Variants in SUGCT observed in about 807,000 individuals in gnomAD.
SUGCT encodes the protein succinyl-CoA:glutarate-CoA transferase.
SUGCT carries 41 observed loss-of-function variants against 55.0 expected under a neutral mutation model. The ratio of observed to expected loss-of-function variants is 0.74; its 90% CI spans 0.58 to 0.97. The LOEUF (loss-of-function observed/expected upper bound fraction) is 0.97. Among genes scored for constraint, SUGCT ranks in the 50% least tolerant of loss-of-function variants. The pLI is 0.00. For synonymous variants in SUGCT, 187 were observed against 200.4 expected (o/e 0.93, Z 0.56); for missense variants, 568 against 547.8 (o/e 1.04, Z -0.37).
At chr7:40,162,805 T>G (rs1784242224) in intron 1 of SUGCT, among the ~76,000 whole-genome samples, 1 of 152,178 alleles carries the variant, frequency 6.6e-6, no homozygotes, top group Admixed American at 6.5e-5. Flanking sequence ...ATTCTTCACA[T>G]ATTCCAATTT....
At chr7:40,240,824 A>C (rs1789332368) in intron 7 of SUGCT, among the ~76,000 whole-genome samples, 1 of 152,236 alleles carries the variant, frequency 6.6e-6, no homozygotes, top group South Asian at 2.1e-4. Flanking sequence ...GTGGAGCCCA[A>C]GTTTATCAGG....
intron 12 of SUGCT, among the ~76,000 whole-genome samples, chr7:40,548,276 A>G (rs1795113711): frequency 6.8e-6 from 1 of 147,668 alleles, no homozygotes; most frequent in Admixed American, 6.8e-5. Context: ...GCAGCTTCGA[A>G]CTCATGGGCT....
intron 12 of SUGCT, among the ~76,000 whole-genome samples, chr7:40,600,543 G>A (rs957169728): frequency 6.6e-6 from 1 of 152,150 alleles, no homozygotes; most frequent in African/African-American, 2.4e-5. Context: ...ATTGTAACAA[G>A]TTCTGTTCAT....
At chr7:40,796,177 A>T (rs1790543516) in intron 13 of SUGCT, among the ~76,000 whole-genome samples, 1 of 152,188 alleles carries the variant, frequency 6.6e-6, no homozygotes, top group African/African-American at 2.4e-5. Context: ...CCCACTAAAT[A>T]GTCAGTAAAA....
At chr7:40,848,555 A>G (rs1793697159) in intron 13 of SUGCT, among the ~76,000 whole-genome samples, 5 of 151,830 alleles carry the variant, frequency 3.3e-5, no homozygotes, top group Non-Finnish European at 7.3e-5. Context: ...TCAAAGGGTC[A>G]TTGATGTGGT....
At chr7:40,191,709 A>G (rs1459284261) in intron 5 of SUGCT, among the ~76,000 whole-genome samples, 1 of 152,238 alleles carries the variant, frequency 6.6e-6, no homozygotes, top group Admixed American at 6.5e-5. Context: ...AATTGCTTTT[A>G]GATAGTTATT....
chr7:40,488,262 A>G (rs897489724), intron 11 of SUGCT, among the ~76,000 whole-genome samples: 2 of 152,088 alleles, frequency 1.3e-5, no homozygotes, highest in African/African-American at 4.8e-5. Context: ...ACAAGAACTT[A>G]TGATTTTTGT....
chr7:40,223,363 T>G (rs1788155787), intron 6 of SUGCT, among the ~76,000 whole-genome samples: 1 of 152,182 alleles, frequency 6.6e-6, no homozygotes, highest in South Asian at 2.1e-4. Context: ...ACCCAGCCTG[T>G]TTTTATTTCT....
intron 9 of SUGCT, among the ~76,000 whole-genome samples, chr7:40,342,911 G>A (rs1387787510): frequency 6.6e-6 from 1 of 152,190 alleles, no homozygotes; most frequent in East Asian, 1.9e-4. Flanking sequence ...CCAAAGTGCT[G>A]GGATTACAGG....
chr7:40,937,625 C>T, the SUGCT span, among the ~76,000 whole-genome samples: 3 of 152,000 alleles, frequency 2.0e-5, no homozygotes, highest in African/African-American at 7.3e-5. Flanking sequence ...GATAAATTGG[C>T]CCTTGTATCA....
chr7:40,669,346 CAAAAAAAAAAAAAA>C (rs33947436), intron 12 of SUGCT, among the ~76,000 whole-genome samples: 1 of 90,766 alleles, frequency 1.1e-5, no homozygotes, highest in Non-Finnish European at 2.4e-5. Context: ...GTGTAAGCTT[CAAAAAAAAAAAAAA>C]AAAAAAAAAT....
intron 8 of SUGCT, among the ~76,000 whole-genome samples, chr7:40,280,504 G>C (rs1218738239): frequency 6.6e-6 from 1 of 152,032 alleles, no homozygotes; most frequent in Non-Finnish European, 1.5e-5. Context: ...ACTACAATGA[G>C]TTAGTTTTTT....
chr7:40,365,463 A>C (rs1783896975), intron 9 of SUGCT, among the ~76,000 whole-genome samples: 1 of 152,048 alleles, frequency 6.6e-6, no homozygotes, highest in Non-Finnish European at 1.5e-5. Context: ...GGAAAAGAGG[A>C]AGTCAAATTG....
At chr7:40,884,073 A>G in the SUGCT span, among the ~76,000 whole-genome samples, 1 of 152,200 alleles carries the variant, frequency 6.6e-6, no homozygotes, top group East Asian at 1.9e-4. Flanking sequence ...CTTACTGTCA[A>G]GGAATCTCCA....
chr7:41,005,005 G>C, the SUGCT span, among the ~76,000 whole-genome samples: 3 of 152,102 alleles, frequency 2.0e-5, no homozygotes, highest in African/African-American at 4.8e-5. Flanking sequence ...ACATTGATGA[G>C]CATTTGCCCA....
rs774813982 is a variant in SUGCT, at chr7:40,188,517, T to C, written c.249T>C (p.Thr83=). The stretch of plus-strand genomic sequence containing the variant: ...CAGGAGCTGGTGATGATACACGAAC[T>C]TGGGGGCCACCTTTTGTTGGGACAG... ...ERPGAGDDTR[T]WGPPFVGTES... is the part of the protein sequence containing the mutation. The change falls in exon 4 of 14, where the codon ACT becomes ACC. Residue 83 remains threonine (T), a synonymous_variant. Coordinates refer to ENST00000335693, the MANE Select transcript of SUGCT (RefSeq NM_001193313.2). The C allele has an allele frequency of 1.2e-6, 2 of 1,609,278 alleles. No individual in the cohort carries two copies. Among genetic ancestry groups the C allele is most frequent in the East Asian group, 4.5e-5 (2 of 44,716 alleles).
At chr7:40,571,541 A>G (rs1796448455) in intron 12 of SUGCT, among the ~76,000 whole-genome samples, 1 of 152,208 alleles carries the variant, frequency 6.6e-6, no homozygotes, top group Admixed American at 6.5e-5. Flanking sequence ...GCACACACAA[A>G]TATCTCTTAA....
At chr7:40,419,660 T>C (rs957098327) in intron 9 of SUGCT, among the ~76,000 whole-genome samples, 3 of 152,096 alleles carry the variant, frequency 2.0e-5, no homozygotes, top group Non-Finnish European at 2.9e-5. Context: ...AGGTCCACTG[T>C]TGAGGTCCAC....
chr7:40,405,366 C>G (rs1562752664), intron 9 of SUGCT, among the ~76,000 whole-genome samples: 2 of 152,060 alleles, frequency 1.3e-5, no homozygotes, highest in African/African-American at 4.8e-5. Context: ...GGGATAATGT[C>G]TTTTCTTTTT....
Sources: gnomAD v4.1 joint callset for allele counts (sites outside exome capture counted in the v4.1 genomes callset) on GRCh38, gnomAD v4.1.1 for gene constraint, MANE v1.5 for transcripts, NCBI Gene and HGNC (gene_info 2026-07-23, HGNC 2026-07-21) for gene names.